Variants in MYOF observed in about 807,000 individuals in gnomAD.
MYOF encodes myoferlin.
A neutral mutation model predicts 284.2 loss-of-function variants in MYOF; 244 were observed. That is an observed-to-expected ratio of 0.86 (90% CI 0.77 to 0.95). The LOEUF (loss-of-function observed/expected upper bound fraction) is 0.95, where lower values mean the gene tolerates loss of function less well. Among genes scored for constraint, MYOF ranks in the 40% least tolerant of loss-of-function variants. The pLI, the probability that MYOF is intolerant of heterozygous loss-of-function variation, is 0.00. For synonymous variants in MYOF, 904 were observed against 919.7 expected (o/e 0.98, Z 0.31); for missense variants, 2,496 against 2,560.6 (o/e 0.97, Z 0.54).
At chr10:93,388,334 G>T (rs1043975478) in intron 18 of MYOF, among the ~76,000 whole-genome samples, 10 of 152,310 alleles carry the variant, frequency 6.6e-5, no homozygotes, top group Admixed American at 6.5e-4. Context: ...TCAGAATAGG[G>T]AGGCTGCCAT....
chr10:93,337,902 G>C lies in MYOF; in HGVS notation c.4350C>G (p.Ile1450Met). Residue 1450 changes from isoleucine (I) to methionine (M), a missense_variant, in exon 40 of 54, where the codon ATC becomes ATG. Physicochemically the swap from Ile to Met is conservative, Grantham distance 10. This residue lies in a region of MYOF where 2,436 missense variants were observed against 2,480.7 expected (regional missense o/e 0.98). Coordinates refer to ENST00000359263, the MANE Select transcript of MYOF (RefSeq NM_013451.4). ...CATAAAATTTACTCCACCAGTCCAC[G>C]ATTTCTTCCTCCTAAAGACATGCCA... ...ASKLTEKEEE[I>M]VDWWSKFYAS... 1 of 1,613,436 alleles carries C rather than the reference G, an allele frequency of 6.2e-7. No individual in the cohort carries two copies. The highest frequency in any genetic ancestry group is 8.5e-7 in the Non-Finnish European group (1 of 1,179,500).
At chr10:93,365,950 C>G (rs1052708090) in intron 26 of MYOF, among the ~76,000 whole-genome samples, 2 of 152,166 alleles carry the variant, frequency 1.3e-5, no homozygotes, top group Admixed American at 6.5e-5. Flanking sequence ...AAAAGTCGAG[C>G]AAATATCAAT....
intron 19 of MYOF, among the ~76,000 whole-genome samples, chr10:93,387,521 G>A (rs1480098238): frequency 6.6e-6 from 1 of 152,198 alleles, no homozygotes; most frequent in Non-Finnish European, 1.5e-5. Context: ...ACAGCTCTTG[G>A]TGCCAGCAAG....
chr10:93,311,428 G>A (rs566213358), intron 51 of MYOF, among the ~76,000 whole-genome samples: 10 of 149,338 alleles, frequency 6.7e-5, no homozygotes, highest in African/African-American at 2.5e-4. Flanking sequence ...TGGCCAACAT[G>A]GCGAAACCCC....
intron 1 of MYOF, among the ~76,000 whole-genome samples, chr10:93,480,684 C>G (rs1407493209): frequency 6.6e-6 from 1 of 151,944 alleles, no homozygotes; most frequent in Non-Finnish European, 1.5e-5. Context: ...CCATGTTGGC[C>G]TGGCTGGTCT....
intron 13 of MYOF, among the ~76,000 whole-genome samples, chr10:93,398,913 G>A (rs1331545218): frequency 6.6e-6 from 1 of 152,082 alleles, no homozygotes; most frequent in African/African-American, 2.4e-5. Context: ...TACACCAAGA[G>A]TCTCCCAGAT....
chr10:93,425,446 C>T (rs1345136246), intron 5 of MYOF, among the ~76,000 whole-genome samples: 1 of 152,148 alleles, frequency 6.6e-6, no homozygotes, highest in African/African-American at 2.4e-5. Context: ...GTAGGCCCTC[C>T]CTCCCTGAGC....
intron 24 of MYOF, among the ~76,000 whole-genome samples, chr10:93,372,376 A>G (rs1845633958): frequency 6.6e-6 from 1 of 152,206 alleles, no homozygotes; most frequent in East Asian, 1.9e-4. Flanking sequence ...TATTAGCTGA[A>G]CATGCAGTGT....
intron 7 of MYOF, among the ~76,000 whole-genome samples, chr10:93,406,096 T>C (rs1193718387): frequency 2.0e-5 from 3 of 151,118 alleles, no homozygotes; most frequent in Non-Finnish European, 4.4e-5. Flanking sequence ...TAGCTGGGAC[T>C]ACAGGTGTGT....
intron 1 of MYOF, among the ~76,000 whole-genome samples, chr10:93,475,118 C>G (rs903080395): frequency 1.3e-5 from 2 of 152,212 alleles, no homozygotes; most frequent in East Asian, 3.8e-4. Flanking sequence ...TTAGGCATCC[C>G]TGGCCCCAGA....
At chr10:93,446,983 C>T (rs1371192424) in intron 3 of MYOF, among the ~76,000 whole-genome samples, 1 of 152,172 alleles carries the variant, frequency 6.6e-6, no homozygotes, top group Non-Finnish European at 1.5e-5. Flanking sequence ...TCCCAAAGTG[C>T]TGACATCACA....
intron 37 of MYOF, among the ~76,000 whole-genome samples, chr10:93,347,369 G>C (rs960990131): frequency 2.3e-4 from 35 of 151,020 alleles, no homozygotes; most frequent in African/African-American, 8.0e-4. Context: ...TGGCTAACAA[G>C]GTGAAACCCC....
rs1473318822 is a variant in MYOF, at chr10:93,402,975, AT to A, written c.844-86del. 2.5e-6 allele frequency: 3 copies of A among 1,192,220 alleles called. No individual in the cohort carries two copies. The African/African-American group carries it at 4.6e-5, about 18-fold the overall frequency. The allele number at this position is 1,192,220 out of a possible 1,614,324, so 73.9% of individuals were successfully genotyped here. On this transcript the variant is annotated intron_variant, in intron 9 of 53. Coordinates refer to ENST00000359263, the MANE Select transcript of MYOF (RefSeq NM_013451.4). The stretch of plus-strand genomic sequence containing the variant: ...AAAGAAGCCATCATTATATTTAAAT[AT>A]CATGTCTTGATTACACTTAAATTTC...
chr10:93,413,433 C>A (rs1397039319), intron 5 of MYOF, among the ~76,000 whole-genome samples: 2 of 152,184 alleles, frequency 1.3e-5, no homozygotes, highest in African/African-American at 4.8e-5. Context: ...TGAGGGGGCC[C>A]CTATGGCACT....
At chr10:93,473,921 G>A (rs770696745) in intron 1 of MYOF, among the ~76,000 whole-genome samples, 7 of 152,110 alleles carry the variant, frequency 4.6e-5, no homozygotes, top group Non-Finnish European at 8.8e-5. Context: ...ATCTCTTGGT[G>A]GCCTCCCTGC....
At chr10:93,389,734 C>T (rs186399646) in intron 17 of MYOF, among the ~76,000 whole-genome samples, 1 of 152,280 alleles carries the variant, frequency 6.6e-6, no homozygotes, top group East Asian at 1.9e-4. Flanking sequence ...TGGTGGTCAT[C>T]TGATAAGCTC....
At chr10:93,360,223 T>C (rs1016362558) in intron 28 of MYOF, among the ~76,000 whole-genome samples, 1 of 152,198 alleles carries the variant, frequency 6.6e-6, no homozygotes, top group African/African-American at 2.4e-5. Context: ...CTTCCAGTCA[T>C]TCATGGTAAC....
intron 1 of MYOF, among the ~76,000 whole-genome samples, chr10:93,480,365 C>T (rs1202265073): frequency 6.7e-6 from 1 of 149,756 alleles, no homozygotes; most frequent in Non-Finnish European, 1.5e-5. Context: ...GCCTGGGCAA[C>T]ATAGCAAGAC....
At chr10:93,408,686 T>C (rs1847747904) in intron 7 of MYOF, 101 bp downstream of exon 7, 2 of 1,494,782 alleles carry the variant, frequency 1.3e-6, no homozygotes, top group African/African-American at 2.8e-5. Flanking sequence ...TCCTGTGATC[T>C]CTACTTGGAA....
Sources: allele counts gnomAD v4.1 joint callset (sites outside exome capture counted in the v4.1 genomes callset), GRCh38; gene constraint gnomAD v4.1.1; regional missense constraint gnomAD v4.1.1; transcripts MANE v1.5; gene names NCBI Gene and HGNC (gene_info 2026-07-23, HGNC 2026-07-21).